The following HTT variants were observed in gnomAD, a reference collection of about 807,000 sequenced individuals.
HTT encodes the protein huntington disease protein.
A neutral mutation model predicts 362.3 loss-of-function variants in HTT; 104 were observed. The ratio of observed to expected loss-of-function variants is 0.29; its 90% CI spans 0.24 to 0.34. The LOEUF is 0.34. Ranked by LOEUF, HTT falls within the 10% of genes least tolerant of loss-of-function variation. The pLI is 1.00. For synonymous variants in HTT, 1,577 were observed against 1,548.7 expected (o/e 1.02, Z -0.43); for missense variants, 3,301 against 3,928.6 (o/e 0.84, Z 4.27).
chr4:3,195,351 G>A (rs527759441), intron 40 of HTT, among the ~76,000 whole-genome samples: 1 of 152,022 alleles, frequency 6.6e-6, no homozygotes, highest in South Asian at 2.1e-4. Context: ...ACAAAAACAC[G>A]GCTTGCGGAG....
chr4:3,136,659 A>G (rs995386217), intron 21 of HTT, among the ~76,000 whole-genome samples: 9 of 152,128 alleles, frequency 5.9e-5, no homozygotes, highest in Admixed American at 2.6e-4. Context: ...ATATTTTGCT[A>G]TATACTCTAT....
chr4:3,099,874 G>A (rs1002666273), intron 3 of HTT, among the ~76,000 whole-genome samples: 2 of 143,052 alleles, frequency 1.4e-5, no homozygotes, highest in Non-Finnish European at 3.0e-5. Context: ...AGGTGCTCTT[G>A]TATGGTTTGG....
At chr4:3,147,505 A>G (rs1164246817) in intron 25 of HTT, among the ~76,000 whole-genome samples, 2 of 152,124 alleles carry the variant, frequency 1.3e-5, no homozygotes, top group Admixed American at 6.5e-5. Flanking sequence ...TCCATGAAAG[A>G]ATTGGGGCCT....
intron 2 of HTT, among the ~76,000 whole-genome samples, chr4:3,097,917 T>C (rs1713938232): frequency 6.6e-6 from 1 of 152,248 alleles, no homozygotes; most frequent in African/African-American, 2.4e-5. Flanking sequence ...GGTAAAGGTT[T>C]TCTGATGAAA....
At chr4:3,192,471 A>G (rs1453106486) in intron 40 of HTT, among the ~76,000 whole-genome samples, 1 of 152,170 alleles carries the variant, frequency 6.6e-6, no homozygotes, top group Non-Finnish European at 1.5e-5. Flanking sequence ...CAGCCCCTCA[A>G]GTAGGCCTAT....
At chr4:3,161,436 CA>C (rs1438934991) in intron 29 of HTT, among the ~76,000 whole-genome samples, 1 of 152,258 alleles carries the variant, frequency 6.6e-6, no homozygotes, top group Non-Finnish European at 1.5e-5. Context: ...GGTATATGCC[CA>C]GTAATGGGAT....
chr4:3,228,567 C>T lies in HTT; in HGVS notation c.7849-48C>T. ...AGTGGCCACACCCACCCACCAGGAGCCTGGCACTGTGGCCGCAGCACTGAG... is the reference window on the plus strand; with the variant it reads ...AGTGGCCACACCCACCCACCAGGAGTCTGGCACTGTGGCCGCAGCACTGAG... On this transcript the variant is annotated intron_variant, in intron 57 of 66. Transcript: ENST00000355072. This position sits in a 1 kb window ranked among gnomAD's most constrained non-coding sequence, Gnocchi z 4.3. 1.3e-6 allele frequency: 2 copies of T among 1,515,286 alleles called. No individual in the cohort carries two copies. The highest frequency in any genetic ancestry group is 2.2e-5 in the Admixed American group (1 of 45,288). The allele number at this position is 1,515,286 out of a possible 1,614,324, so 93.9% of individuals were successfully genotyped here.
At chr4:3,165,345 C>T (rs1377129669) in intron 29 of HTT, among the ~76,000 whole-genome samples, 2 of 151,168 alleles carry the variant, frequency 1.3e-5, no homozygotes, top group African/African-American at 2.4e-5. Context: ...CTCTGGCTGC[C>T]CTTTCCTTCA....
chr4:3,238,222 A>C (rs543340308), intron 64 of HTT, among the ~76,000 whole-genome samples: 3 of 152,192 alleles, frequency 2.0e-5, no homozygotes, highest in African/African-American at 7.2e-5. Flanking sequence ...TCCACGAGCT[A>C]GACAGAGGAA....
chr4:3,189,222 G>T, intron 40 of HTT, 129 bp downstream of exon 40: 1 of 925,336 alleles, frequency 1.1e-6, no homozygotes, highest in Admixed American at 2.4e-5. Flanking sequence ...GAAAATATTT[G>T]TTGCTGTAAG....
At chr4:3,190,160 A>C (rs186882789) in intron 40 of HTT, among the ~76,000 whole-genome samples, 2 of 152,204 alleles carry the variant, frequency 1.3e-5, no homozygotes, top group Admixed American at 1.3e-4. Context: ...CCTGAGCAAC[A>C]TATCGAGACC....
chr4:3,231,945 A>T (rs1038566700), intron 60 of HTT, among the ~76,000 whole-genome samples: 12 of 152,112 alleles, frequency 7.9e-5, no homozygotes, highest in African/African-American at 2.9e-4. Context: ...CTCTTTGTGC[A>T]CTCATGCTTT....
At chr4:3,108,878 T>G (rs1714574944) in intron 6 of HTT, among the ~76,000 whole-genome samples, 1 of 151,722 alleles carries the variant, frequency 6.6e-6, no homozygotes. Flanking sequence ...AGACCCTATC[T>G]CTAAAAAAAC....
intron 3 of HTT, among the ~76,000 whole-genome samples, chr4:3,102,310 G>C (rs533178224): frequency 4.1e-4 from 62 of 152,356 alleles, no homozygotes; most frequent in African/African-American, 1.4e-3. Context: ...GATTGTGAGA[G>C]ACCATTCCCT....
intron 30 of HTT, 149 bp from the exon 31 acceptor site, chr4:3,172,759 G>A: frequency 1.5e-6 from 1 of 661,878 alleles, no homozygotes; most frequent in Non-Finnish European, 2.7e-6. Context: ...ATCTCATGAG[G>A]TATTAATAGT....
Position 3,238,894 on chromosome 4 carries a change from C to A in HTT, c.9131C>A (p.Thr3044Lys), listed in dbSNP as rs1248764175. The change falls in exon 66 of 67, where the codon ACG (threonine) becomes AAG (lysine). Residue 3044 changes from threonine (T) to lysine (K), a missense_variant. By Grantham distance (78) the Thr-to-Lys change is moderately conservative. Coordinates refer to ENST00000355072, the MANE Select transcript of HTT (RefSeq NM_001388492.1). The stretch of plus-strand genomic sequence containing the variant: ...GTCATGCTGTCCCTCTCCAACTTCA[C>A]GCAGAGGGCCCCGGTCGCCATGGCC... ...DWVMLSLSNFTQRAPVAMATW... is the reference protein window; with the variant it reads ...DWVMLSLSNFKQRAPVAMATW... 1 of 1,612,024 alleles carries A rather than the reference C, an allele frequency of 6.2e-7. No homozygotes were observed. Among genetic ancestry groups the A allele is most frequent in the Admixed American group, 1.7e-5 (1 of 59,948 alleles).
chr4:3,092,917 C>A (rs1713590462), intron 2 of HTT, among the ~76,000 whole-genome samples: 1 of 152,160 alleles, frequency 6.6e-6, no homozygotes, highest in African/African-American at 2.4e-5. Context: ...GAGAGCCCTA[C>A]AATTTCCTTA....
chr4:3,202,826 G>C (rs1719648649), intron 41 of HTT, among the ~76,000 whole-genome samples: 1 of 152,082 alleles, frequency 6.6e-6, no homozygotes, highest in Non-Finnish European at 1.5e-5. Flanking sequence ...AGCCTGGGCT[G>C]CCTAGCAAGA....
chr4:3,140,681 A>G (rs1236189848), intron 22 of HTT, 25 bp downstream of exon 22: 2 of 1,605,308 alleles, frequency 1.2e-6, no homozygotes, highest in Non-Finnish European at 1.7e-6. Flanking sequence ...TGGCATCTTC[A>G]CATTGTCGGG....
Sources: gnomAD v4.1 joint callset for allele counts (sites outside exome capture counted in the v4.1 genomes callset) on GRCh38, gnomAD v4.1.1 for gene constraint, Gnocchi (gnomAD v3.1) non-coding constraint, MANE v1.5 for transcripts, NCBI Gene and HGNC (gene_info 2026-07-23, HGNC 2026-07-21) for gene names.